GSG1L: variants seen among roughly 807,000 people sequenced by gnomAD.
The protein encoded by GSG1L is GSG1 like.
Under a neutral mutation model 42.1 loss-of-function variants are expected in GSG1L, and 24 were observed. The ratio of observed to expected loss-of-function variants is 0.57; its 90% confidence interval spans 0.41 to 0.80. The LOEUF is 0.80. Among genes scored for constraint, GSG1L ranks in the 30% least tolerant of loss-of-function variants. The pLI, the probability that GSG1L is intolerant of heterozygous loss-of-function variation, is 0.00. For synonymous variants in GSG1L, 215 were observed against 203.5 expected (o/e 1.06, Z -0.48); for missense variants, 445 against 472.2 (o/e 0.94, Z 0.53).
intron 2 of GSG1L, among the ~76,000 whole-genome samples, chr16:27,906,279 A>C (rs957828313): frequency 5.3e-5 from 8 of 152,292 alleles, no homozygotes; most frequent in African/African-American, 1.7e-4. Context: ...CCAGCATATT[A>C]AGCAAAATTT....
intron 6 of GSG1L, among the ~76,000 whole-genome samples, chr16:27,807,081 T>G (rs2082972495): frequency 6.6e-6 from 1 of 152,214 alleles, no homozygotes; most frequent in South Asian, 2.1e-4. Flanking sequence ...GCAAAGTGTT[T>G]GAAGTGAATG....
rs1305811786 is a variant in GSG1L at position 27,865,523 on chromosome 16, C to A, written c.550+18963G>T. Among the ~76,000 whole-genome samples the A allele has an allele frequency of 1.2e-4, 7 of 58,250 alleles. 1 individual carries two copies. The highest frequency in any genetic ancestry group is 2.4e-4 in the Admixed American group (1 of 4,108). 38.2% of individuals were successfully genotyped at this position (58,250 alleles called of 152,430 possible). On this transcript the variant is annotated intron_variant, in intron 3 of 6. Coordinates refer to ENST00000447459, the MANE Select transcript of GSG1L (RefSeq NM_001109763.2). Reference sequence around the variant, plus strand: ...CGCTTCTTTCTTTCTCTCTCTCTTTCTATATATATATATATATATATATAT... The same window carrying A: ...CGCTTCTTTCTTTCTCTCTCTCTTTATATATATATATATATATATATATAT...
chr16:27,809,486 G>A (rs1177532390), intron 5 of GSG1L, among the ~76,000 whole-genome samples: 1 of 152,040 alleles, frequency 6.6e-6, no homozygotes, highest in Admixed American at 6.6e-5. Flanking sequence ...GCTGAGGTGG[G>A]AGGATCGCTT....
intron 2 of GSG1L, among the ~76,000 whole-genome samples, chr16:27,897,823 A>G (rs575128142): frequency 2.6e-5 from 4 of 152,338 alleles, no homozygotes; most frequent in African/African-American, 9.6e-5. Context: ...TTCTTTGGCT[A>G]TAAAACAGAG....
intron 1 of GSG1L, among the ~76,000 whole-genome samples, chr16:28,006,401 C>T (rs759085920): frequency 2.0e-5 from 3 of 150,656 alleles, no homozygotes; most frequent in Non-Finnish European, 3.0e-5. Context: ...CTCTGCCTCC[C>T]GGGTTCAAGG....
intron 2 of GSG1L, among the ~76,000 whole-genome samples, chr16:27,944,630 A>G (rs1275311943): frequency 2.0e-5 from 3 of 151,860 alleles, no homozygotes; most frequent in Non-Finnish European, 4.4e-5. Context: ...TCAAAAAAAA[A>G]AAAAAAGGAA....
chr16:28,016,808 C>T (rs891492844), intron 1 of GSG1L, among the ~76,000 whole-genome samples: 5 of 152,196 alleles, frequency 3.3e-5, no homozygotes, highest in East Asian at 1.9e-4. Context: ...GGGAGATTGA[C>T]GCTCAGAGAG....
chr16:27,955,213 G>T (rs1012408546), intron 2 of GSG1L, among the ~76,000 whole-genome samples: 1 of 152,042 alleles, frequency 6.6e-6, no homozygotes, highest in Non-Finnish European at 1.5e-5. Flanking sequence ...TAATATCATT[G>T]GAGAAATATG....
intron 1 of GSG1L, among the ~76,000 whole-genome samples, chr16:27,964,883 G>A (rs1268136812): frequency 6.6e-6 from 1 of 152,096 alleles, no homozygotes; most frequent in African/African-American, 2.4e-5. Context: ...CAGGGTGACT[G>A]TAGTCAATAA....
chr16:27,903,096 G>C (rs1010857543), intron 2 of GSG1L, among the ~76,000 whole-genome samples: 1 of 152,132 alleles, frequency 6.6e-6, no homozygotes, highest in Non-Finnish European at 1.5e-5. Context: ...TGGAGGAGGA[G>C]CTGGAGGAGG....
Position 27,789,513 on chromosome 16 carries a change from G to T in GSG1L, c.*1857C>A, listed in dbSNP as rs2082728091. 6.6e-6 allele frequency: 1 copy of T among 152,028 alleles called. No homozygotes were observed. Among genetic ancestry groups the T allele is most frequent in the African/African-American group, 2.4e-5 (1 of 41,382 alleles). The allele number at this position is 152,028 out of a possible 1,614,324, so 9.4% of individuals were successfully genotyped here. A position where few individuals can be genotyped will look rare whatever the true frequency, so the allele number is the denominator to read the frequency against. On this transcript the variant is annotated 3_prime_UTR_variant, in exon 7 of 7. Transcript: ENST00000447459. ...ATGGATAGATAGTGGATGGAAAGAT[G>T]ATGGATGATGGATGGAAGGATAAAT...
chr16:27,993,931 A>G (rs2085484798), intron 1 of GSG1L, among the ~76,000 whole-genome samples: 1 of 152,196 alleles, frequency 6.6e-6, no homozygotes. Flanking sequence ...GCTACCAGAA[A>G]TTCATGCCTT....
At chr16:28,053,172 G>A (rs205411) in intron 1 of GSG1L, among the ~76,000 whole-genome samples, 116,461 of 152,124 alleles carry the variant, frequency 0.77, 45,938 homozygotes, top group South Asian at 0.89. Context: ...AGACAAAGGG[G>A]AGCAGAAGCC....
chr16:27,832,938 G>T (rs1019416254), intron 4 of GSG1L, among the ~76,000 whole-genome samples: 1 of 152,072 alleles, frequency 6.6e-6, no homozygotes, highest in South Asian at 2.1e-4. Context: ...TCTTAATAGG[G>T]TCTCTTGTGG....
rs1029229546 is a variant in GSG1L at position 27,790,068 on chromosome 16, A to G, written c.*1302T>C. 10 of 151,680 alleles carry G rather than the reference A, an allele frequency of 6.6e-5. No individual in the cohort carries two copies. The highest frequency in any genetic ancestry group is 9.7e-5 in the African/African-American group (4 of 41,282). 9.4% of individuals were successfully genotyped at this position (151,680 alleles called of 1,614,324 possible). A position where few individuals can be genotyped will look rare whatever the true frequency, so the allele number is the denominator to read the frequency against. ...GGATGGATGGCAAATGGATGGATGA[A>G]TGGATAGATGATGGATGGATGGAAG... is the stretch of plus-strand genomic sequence containing the variant. On this transcript the variant is annotated 3_prime_UTR_variant, in exon 7 of 7. Coordinates refer to ENST00000447459, the MANE Select transcript of GSG1L (RefSeq NM_001109763.2).
At chr16:27,961,112 G>A (rs1400846154) in intron 2 of GSG1L, among the ~76,000 whole-genome samples, 2 of 152,142 alleles carry the variant, frequency 1.3e-5, no homozygotes, top group African/African-American at 2.4e-5. Context: ...GAACACACCT[G>A]TGCTTATGCA....
intron 2 of GSG1L, among the ~76,000 whole-genome samples, chr16:27,885,160 T>A (rs2084012848): frequency 6.6e-6 from 1 of 151,974 alleles, no homozygotes; most frequent in Admixed American, 6.6e-5. Context: ...TTTTGTGGGA[T>A]TTTTTTTGAG....
intron 2 of GSG1L, among the ~76,000 whole-genome samples, chr16:27,909,632 C>A (rs2084360227): frequency 6.8e-6 from 1 of 146,086 alleles, no homozygotes. Flanking sequence ...GCACTGCACC[C>A]AGCTTTTTTT....
chr16:27,959,500 C>T (rs921154433), intron 2 of GSG1L, among the ~76,000 whole-genome samples: 4 of 87,452 alleles, frequency 4.6e-5, no homozygotes, highest in Admixed American at 1.9e-4. Flanking sequence ...CGAGACAAGA[C>T]GGGAAGGGAG....
Sources: gnomAD v4.1 joint callset for allele counts (sites outside exome capture counted in the v4.1 genomes callset) on GRCh38, gnomAD v4.1.1 for gene constraint, MANE v1.5 for transcripts, NCBI Gene and HGNC (gene_info 2026-07-23, HGNC 2026-07-21) for gene names.